RNF220: variants seen among roughly 807,000 people sequenced by gnomAD.
RNF220 encodes ring finger protein 220.
In RNF220, 7 loss-of-function variants were observed where a neutral mutation model predicts 67.1. The ratio of observed to expected loss-of-function variants is 0.10; its 90% CI spans 0.06 to 0.20. RNF220 has a LOEUF of 0.20. Among genes scored for constraint, RNF220 ranks in the 10% least tolerant of loss-of-function variants. The pLI, the probability that RNF220 is intolerant of heterozygous loss-of-function variation, is 1.00. For synonymous variants in RNF220, 270 were observed against 283.2 expected (o/e 0.95, Z 0.47); for missense variants, 565 against 740.3 (o/e 0.76, Z 2.75).
rs574468762 is a variant in RNF220 at position 44,555,364 on chromosome 1, G to A, written c.626-58801G>A. On this transcript the variant is annotated intron_variant, in intron 2 of 14. Transcript: ENST00000361799. ...ATTACAGGGGTGAGCCACTCCACCC[G>A]GCTTTCAACTTTGTATGATCTGACC... 6.6e-5 allele frequency among the ~76,000 whole-genome samples: 10 copies of A among 151,952 alleles called. No homozygotes were observed. The South Asian group carries it at 1.2e-3, about 19-fold the overall frequency.
chr1:44,473,126 T>C (rs1257292682), intron 2 of RNF220, among the ~76,000 whole-genome samples: 1 of 152,118 alleles, frequency 6.6e-6, no homozygotes, highest in East Asian at 1.9e-4. Flanking sequence ...TAGCAGCCGT[T>C]TGTTCTGGAG....
Position 44,465,056 on chromosome 1 carries a change from T to G in RNF220, c.625+52334T>G, listed in dbSNP as rs139614278. ...AGCACCTTACACAGGGTCTGACACA[T>G]AGTAAAACTTCAATAAATTAATGTG... On this transcript the variant is annotated intron_variant, in intron 2 of 14. Transcript: ENST00000361799. Among the ~76,000 whole-genome samples, 296 of 152,286 alleles carry G rather than the reference T, an allele frequency of 1.9e-3. 4 individuals carry two copies. Among genetic ancestry groups the G allele is most frequent in the African/African-American group, 6.8e-3 (281 of 41,576 alleles).
Position 44,606,145 on chromosome 1 carries a change from T to C in RNF220, c.626-8020T>C, listed in dbSNP as rs1573020390. Reference sequence around the variant, plus strand: ...CAGCGGGAGGCCCCAGCCAGACAAGTGTATTACACGGATAATGTATTTGAC... The same window carrying C: ...CAGCGGGAGGCCCCAGCCAGACAAGCGTATTACACGGATAATGTATTTGAC... On this transcript the variant is annotated intron_variant, in intron 2 of 14. Transcript: ENST00000361799. This position sits in a 1 kb window ranked among gnomAD's most constrained non-coding sequence, Gnocchi z 4.2. Among the ~76,000 whole-genome samples the C allele has an allele frequency of 6.6e-6, 1 of 152,202 alleles. No individual in the cohort carries two copies. Among genetic ancestry groups the C allele is most frequent in the Non-Finnish European group, 1.5e-5 (1 of 68,040 alleles).
rs117396083 is a variant in RNF220 at position 44,481,736 on chromosome 1, A to G, written c.625+69014A>G. ...TGATGGCAAGTGGAGAGGATGTGGAATCAAGAGAGAGAACTTTTTTGTTCT... is the reference window on the plus strand; with the variant it reads ...TGATGGCAAGTGGAGAGGATGTGGAGTCAAGAGAGAGAACTTTTTTGTTCT... On this transcript the variant is annotated intron_variant, in intron 2 of 14. Transcript: ENST00000361799. 2.4e-4 allele frequency among the ~76,000 whole-genome samples: 36 copies of G among 152,358 alleles called. No individual in the cohort carries two copies. The East Asian group carries it at 6.9e-3, about 29-fold the overall frequency.
At position 44,636,129 on chromosome 1, in the gene RNF220, C is replaced by A. The variant is rs893539128; in HGVS notation, c.1093C>A (p.Arg365=). ...TGAGTGGTGTGGACAGAAGCGGATA[C>A]GGGCCACCACTCTCCTGGAAGGTGG... ...EYEWCGQKRI[R]ATTLLEGGFR... is the part of the protein sequence containing the mutation. The change falls in exon 8 of 15, where the codon CGG becomes AGG. Residue 365 remains arginine, a synonymous_variant. Coordinates refer to ENST00000361799, the MANE Select transcript of RNF220 (RefSeq NM_018150.4). The A allele has an allele frequency of 6.2e-7, 1 of 1,610,774 alleles. No homozygotes were observed. The highest frequency in any genetic ancestry group is 8.5e-7 in the Non-Finnish European group (1 of 1,177,574).
intron 2 of RNF220, among the ~76,000 whole-genome samples, chr1:44,589,499 A>G (rs1665957092): frequency 1.3e-5 from 2 of 151,882 alleles, no homozygotes; most frequent in African/African-American, 4.8e-5. Flanking sequence ...CTGTAGTCCC[A>G]GCTACTCGGG....
At chr1:44,602,350 G>A (rs1475753457) in intron 2 of RNF220, among the ~76,000 whole-genome samples, 2 of 152,106 alleles carry the variant, frequency 1.3e-5, no homozygotes, top group Non-Finnish European at 2.9e-5. Flanking sequence ...CCTGGCCTGA[G>A]GAGCATGGAG....
At chr1:44,482,097 A>T (rs1363665040) in intron 2 of RNF220, among the ~76,000 whole-genome samples, 1 of 152,134 alleles carries the variant, frequency 6.6e-6, no homozygotes, top group Non-Finnish European at 1.5e-5. Flanking sequence ...TTTCATTCCC[A>T]TTTTACAGAC....
chr1:44,635,673 G>A, intron 7 of RNF220, 85 bp downstream of exon 7: 1 of 1,608,824 alleles, frequency 6.2e-7, no homozygotes, highest in Non-Finnish European at 8.5e-7. Context: ...TAAGGTAGAG[G>A]GGCCATCACC....
In RNF220 at chr1:44,561,473, C is replaced by T. The variant is rs187307996; in HGVS notation, c.626-52692C>T. On this transcript the variant is annotated intron_variant, in intron 2 of 14. Transcript: ENST00000361799. ...GCAGTGAGCCCAGATCGCGCCACTG[C>T]ACTCCAGCCTGGGCCACAGAGCAAA... 7.8e-4 allele frequency among the ~76,000 whole-genome samples: 119 copies of T among 152,212 alleles called. 2 individuals are homozygous for T. In the East Asian group the frequency reaches 0.014, roughly 18 times the overall value.
intron 2 of RNF220, among the ~76,000 whole-genome samples, chr1:44,549,675 G>C (rs1662465321): frequency 1.3e-5 from 2 of 152,132 alleles, no homozygotes; most frequent in Non-Finnish European, 2.9e-5. Flanking sequence ...GGGGACTCCA[G>C]TGTGACTGAA....
intron 2 of RNF220, among the ~76,000 whole-genome samples, chr1:44,518,689 A>G (rs1196716370): frequency 6.6e-6 from 1 of 152,142 alleles, no homozygotes; most frequent in African/African-American, 2.4e-5. Context: ...ATCCTGGCTA[A>G]CACAGTGAAA....
At chr1:44,636,210 T>C (rs1644323966) in intron 8 of RNF220, 48 bp downstream of exon 8, 1 of 1,569,272 alleles carries the variant, frequency 6.4e-7, no homozygotes, top group East Asian at 2.3e-5. Context: ...GCCAGGCCTC[T>C]GCTGGGTATC....
intron 2 of RNF220, among the ~76,000 whole-genome samples, chr1:44,587,946 G>A (rs1195749943): frequency 6.6e-6 from 1 of 152,172 alleles, no homozygotes; most frequent in Non-Finnish European, 1.5e-5. Context: ...GTGTGCAAGG[G>A]AGAGTTATGT....
chr1:44,540,050 G>A (rs1446269464), intron 2 of RNF220, among the ~76,000 whole-genome samples: 2 of 152,108 alleles, frequency 1.3e-5, no homozygotes, highest in Non-Finnish European at 2.9e-5. Flanking sequence ...TCCACCACTG[G>A]GCCATGAGAA....
At chr1:44,550,659 A>G (rs1572854036) in intron 2 of RNF220, among the ~76,000 whole-genome samples, 1 of 152,182 alleles carries the variant, frequency 6.6e-6, no homozygotes, top group Non-Finnish European at 1.5e-5. Flanking sequence ...GACTTGCCCC[A>G]CATTCATACC....
chr1:44,519,855 C>G (rs745429634), intron 2 of RNF220, among the ~76,000 whole-genome samples: 1 of 152,114 alleles, frequency 6.6e-6, no homozygotes, highest in Non-Finnish European at 1.5e-5. Flanking sequence ...AGAGCCTTGT[C>G]TGCCATAATG....
chr1:44,494,560 AC>A (rs1657160497), intron 2 of RNF220, among the ~76,000 whole-genome samples: 1 of 152,056 alleles, frequency 6.6e-6, no homozygotes, highest in African/African-American at 2.4e-5. Context: ...TGTTTAGATT[AC>A]TAATATGCAG....
At chr1:44,634,393 T>G (rs1644263124) in intron 6 of RNF220, among the ~76,000 whole-genome samples, 1 of 152,234 alleles carries the variant, frequency 6.6e-6, no homozygotes, top group Admixed American at 6.5e-5. Context: ...TGAGCTACCT[T>G]GGGTAAGGTA....
Sources: gnomAD v4.1 joint callset for allele counts (sites outside exome capture counted in the v4.1 genomes callset) on GRCh38, gnomAD v4.1.1 for gene constraint, Gnocchi (gnomAD v3.1) non-coding constraint, MANE v1.5 for transcripts, NCBI Gene and HGNC (gene_info 2026-07-23, HGNC 2026-07-21) for gene names.